The following ARHGAP28 variants were observed in gnomAD, a reference collection of about 807,000 sequenced individuals.
ARHGAP28 encodes the protein Rho GTPase activating protein 28, also known as rho GTPase-activating protein 28.
ARHGAP28 carries 56 observed loss-of-function variants against 90.7 expected under a neutral mutation model. The observed-to-expected ratio is 0.62, with a 90% CI of 0.50 to 0.77. The LOEUF is 0.77. Ranked by LOEUF, ARHGAP28 falls within the 30% of genes least tolerant of loss-of-function variation. The probability of loss-of-function intolerance (pLI) is 0.00; values close to 1 mark genes in which losing one functional copy is unlikely to be tolerated. For missense variants in ARHGAP28, 869 were observed against 900.9 expected (o/e 0.96, Z 0.45); for synonymous variants, 308 against 323.3 (o/e 0.95, Z 0.51).
At chr18:6,864,833 C>T (rs575351653) in intron 5 of ARHGAP28, among the ~76,000 whole-genome samples, 1 of 150,874 alleles carries the variant, frequency 6.6e-6, no homozygotes, top group Admixed American at 6.6e-5. Context: ...TATACGTGTG[C>T]ACCACCATGC....
intron 1 of ARHGAP28, among the ~76,000 whole-genome samples, chr18:6,779,786 G>A (rs1462143621): frequency 1.3e-5 from 2 of 152,232 alleles, no homozygotes; most frequent in Non-Finnish European, 2.9e-5. Context: ...GCAGGCCTCT[G>A]CCAATTCTTT....
chr18:6,854,229 C>T (rs572242097), intron 4 of ARHGAP28, among the ~76,000 whole-genome samples: 8 of 152,022 alleles, frequency 5.3e-5, no homozygotes, highest in East Asian at 1.9e-4. Context: ...ACACCCTTAG[C>T]GTGACCGTAT....
At chr18:6,907,898 AAAC>A (rs1386823941) in intron 16 of ARHGAP28, among the ~76,000 whole-genome samples, 33 of 152,178 alleles carry the variant, frequency 2.2e-4, no homozygotes, top group Non-Finnish European at 4.6e-4. Flanking sequence ...ATTAAACAAA[AAAC>A]AACAACAAAA....
At chr18:6,812,514 G>A (rs2056564011) in intron 1 of ARHGAP28, among the ~76,000 whole-genome samples, 1 of 152,066 alleles carries the variant, frequency 6.6e-6, no homozygotes, top group Non-Finnish European at 1.5e-5. Flanking sequence ...GGCTTAGGAG[G>A]GAAACCTTCC....
chr18:6,827,665 ATGGGGCGGCTGGC>A (rs1300846230), intron 2 of ARHGAP28, among the ~76,000 whole-genome samples: 1 of 146,952 alleles, frequency 6.8e-6, no homozygotes, highest in Non-Finnish European at 1.5e-5. Context: ...TCCCTCCTGG[ATGGGGCGGCTGGC>A]TGGGCGGAGA....
At chr18:6,827,807 G>A (rs1419483101) in intron 2 of ARHGAP28, among the ~76,000 whole-genome samples, 1 of 151,974 alleles carries the variant, frequency 6.6e-6, no homozygotes, top group African/African-American at 2.4e-5. Flanking sequence ...GGGCAGAGAC[G>A]CTCCTCACTT....
chr18:6,902,351 C>T (rs1352624794), intron 16 of ARHGAP28, among the ~76,000 whole-genome samples: 1 of 151,956 alleles, frequency 6.6e-6, no homozygotes, highest in East Asian at 1.9e-4. Flanking sequence ...TGGGATCTGC[C>T]TATACCATTG....
chr18:6,754,505 C>A (rs1040284647), intron 1 of ARHGAP28, among the ~76,000 whole-genome samples: 2 of 152,072 alleles, frequency 1.3e-5, no homozygotes, highest in Non-Finnish European at 2.9e-5. Context: ...CAGTTGTCTC[C>A]CTGATACTAA....
chr18:6,853,958 G>GGTGT (rs2056931654), intron 4 of ARHGAP28, among the ~76,000 whole-genome samples: 1 of 152,158 alleles, frequency 6.6e-6, no homozygotes, highest in Admixed American at 6.5e-5. Context: ...ACCCTGAGAC[G>GGTGT]GTGTCATGGG....
At chr18:6,730,002 G>C (rs1259350778) in intron 1 of ARHGAP28, 59 bp downstream of exon 1, 6 of 1,289,678 alleles carry the variant, frequency 4.7e-6, no homozygotes, top group South Asian at 4.6e-5. Context: ...GGGGTTCGCC[G>C]TGCAGCTGCG....
chr18:6,886,548 T>A (rs686428), intron 11 of ARHGAP28, among the ~76,000 whole-genome samples: 1 of 152,080 alleles, frequency 6.6e-6, no homozygotes, highest in Non-Finnish European at 1.5e-5. Context: ...ATCATAAAAG[T>A]AAGAGCAAAT....
intron 1 of ARHGAP28, among the ~76,000 whole-genome samples, chr18:6,802,755 T>G (rs1232529633): frequency 6.6e-6 from 1 of 152,172 alleles, no homozygotes; most frequent in East Asian, 1.9e-4. Flanking sequence ...TTTGAACAAG[T>G]TATATCTCTT....
rs572243089 is a variant in ARHGAP28, at chr18:6,783,547, T to C, written c.123-41215T>C. Among the ~76,000 whole-genome samples, 360 of 144,328 alleles carry C rather than the reference T, an allele frequency of 2.5e-3. 2 individuals carry two copies. Among genetic ancestry groups the C allele is most frequent in the Admixed American group, 3.9e-3 (59 of 14,982 alleles). The allele number at this position is 144,328 out of a possible 152,430, so 94.7% of individuals were successfully genotyped here. A position where few individuals can be genotyped will look rare whatever the true frequency, so the allele number is the denominator to read the frequency against. On this transcript the variant is annotated intron_variant, in intron 1 of 17. Transcript: ENST00000383472. ...AACTCCTGACCTCAGGTGATCTGCC[T>C]GCCTCAGCCTCCCAAAGTGCTGGGA...
intron 10 of ARHGAP28, among the ~76,000 whole-genome samples, chr18:6,879,474 G>A (rs1290842294): frequency 6.6e-6 from 1 of 152,130 alleles, no homozygotes; most frequent in East Asian, 1.9e-4. Context: ...CAGGGCTTCT[G>A]AACCTCTAAG....
rs370932858 is a variant in ARHGAP28 at position 6,743,047 on chromosome 18, G to T, written c.122+13104G>T. Among the ~76,000 whole-genome samples, 9 of 152,204 alleles carry T rather than the reference G, an allele frequency of 5.9e-5. 2 individuals are homozygous for T. Among genetic ancestry groups the T allele is most frequent in the East Asian group, 3.9e-4 (2 of 5,168 alleles). ...ACTTTGCTGCAGGTTGAAGAGTGAT[G>T]ATGAGATAAGAAAATACAGGCAGAA... On this transcript the variant is annotated intron_variant, in intron 1 of 17. Coordinates refer to ENST00000383472, the MANE Select transcript of ARHGAP28 (RefSeq NM_001366230.1).
chr18:6,808,988 C>G (rs899792479), intron 1 of ARHGAP28, among the ~76,000 whole-genome samples: 1 of 152,172 alleles, frequency 6.6e-6, no homozygotes, highest in Non-Finnish European at 1.5e-5. Flanking sequence ...TTTTCTGGTG[C>G]TCTGACCAGA....
intron 14 of ARHGAP28, among the ~76,000 whole-genome samples, chr18:6,893,817 A>C (rs2057283777): frequency 1.3e-5 from 2 of 152,034 alleles, no homozygotes; most frequent in Non-Finnish European, 2.9e-5. Context: ...AAACACTTAA[A>C]GACAAAGAAA....
chr18:6,841,202 T>TCTCTCTCTCTCTCTCTCTCTCTCC, intron 3 of ARHGAP28, among the ~76,000 whole-genome samples: 1 of 47,386 alleles, frequency 2.1e-5, no homozygotes, highest in African/African-American at 1.1e-4. Context: ...TCTCTCTCTC[T>TCTCTCTCTCTCTCTCTCTCTCTCC]CCTCTCCTCT....
At chr18:6,768,577 A>T (rs1267096059) in intron 1 of ARHGAP28, among the ~76,000 whole-genome samples, 1 of 152,072 alleles carries the variant, frequency 6.6e-6, no homozygotes, top group Non-Finnish European at 1.5e-5. Context: ...CTTATGGAAG[A>T]TCCTTTTCTG....
Sources: allele counts gnomAD v4.1 joint callset (sites outside exome capture counted in the v4.1 genomes callset), GRCh38; gene constraint gnomAD v4.1.1; transcripts MANE v1.5; gene names NCBI Gene and HGNC (gene_info 2026-07-23, HGNC 2026-07-21).